The following USP42 variants were observed in gnomAD, a reference collection of about 807,000 sequenced individuals.
USP42 encodes ubiquitin carboxyl-terminal hydrolase 42.
USP42 carries 23 observed loss-of-function variants against 113.0 expected under a neutral mutation model. That is an observed-to-expected ratio of 0.20 (90% CI 0.15 to 0.29). The LOEUF (loss-of-function observed/expected upper bound fraction) is 0.29, where lower values mean the gene tolerates loss of function less well. Ranked by LOEUF, USP42 falls within the 10% of genes least tolerant of loss-of-function variation. USP42 has a pLI of 1.00. For synonymous variants in USP42, 933 were observed against 699.0 expected, an observed-to-expected ratio of 1.33 and a Z score of -5.28; for missense variants, 2,174 against 1,779.8, an observed-to-expected ratio of 1.22 and a Z score of -3.99.
chr7:6,105,515 C>T (rs1404417760), intron 1 of USP42, among the ~76,000 whole-genome samples: 1 of 150,050 alleles, frequency 6.7e-6, no homozygotes, highest in East Asian at 2.0e-4. Flanking sequence ...GGAGCCCCCT[C>T]AGAGCCCCGG....
intron 8 of USP42, 118 bp downstream of exon 8, chr7:6,143,132 A>G (rs1583655269): frequency 1.0e-6 from 1 of 966,350 alleles, no homozygotes; most frequent in Non-Finnish European, 1.6e-6. Flanking sequence ...ACCCTCTGGG[A>G]AGACACTGCG....
chr7:6,158,363 A>ACGTGTGAAG lies in USP42; in HGVS notation c.3944-1084_3944-1076dup, dbSNP rs1187983473. Among the ~76,000 whole-genome samples, 1 of 151,924 alleles carries ACGTGTGAAG rather than the reference A, an allele frequency of 6.6e-6. No individual in the cohort carries two copies. The highest frequency in any genetic ancestry group is 2.4e-5 in the African/African-American group (1 of 41,222). ...GCCTGGACGCCCATTGTTTGTGTTC[A>ACGTGTGAAG]CGTGTGAAGCGCATCCCCTCCTCCC... On this transcript the variant is annotated intron_variant, in intron 16 of 17. Coordinates refer to ENST00000306177, the MANE Select transcript of USP42 (RefSeq NM_032172.3). The surrounding 1 kb of genome is among the most constrained non-coding windows in gnomAD (Gnocchi z 4.2).
chr7:6,136,480 A>G (rs1036815729), intron 4 of USP42, among the ~76,000 whole-genome samples: 5 of 152,240 alleles, frequency 3.3e-5, no homozygotes, highest in African/African-American at 9.6e-5. Context: ...TATATTAAAG[A>G]CTATTCAATT....
chr7:6,139,971 T>C lies in USP42; in HGVS notation c.657-157T>C. 1.4e-6 allele frequency: 1 copy of C among 710,570 alleles called. No individual in the cohort carries two copies. Among genetic ancestry groups the C allele is most frequent in the Non-Finnish European group, 2.5e-6 (1 of 397,382 alleles). The allele number at this position is 710,570 out of a possible 1,614,324, so 44.0% of individuals were successfully genotyped here. On this transcript the variant is annotated intron_variant, in intron 5 of 17. Coordinates refer to ENST00000306177, the MANE Select transcript of USP42 (RefSeq NM_032172.3). The surrounding 1 kb of genome is among the most constrained non-coding windows in gnomAD (Gnocchi z 4.5). ...TCCCTGTGTTCTGGCCAGGAAGGGA[T>C]GCTCTTGGGCTGCCACACGTGCCAT...
At chr7:6,126,257 A>G (rs1030453494) in intron 3 of USP42, among the ~76,000 whole-genome samples, 3 of 151,470 alleles carry the variant, frequency 2.0e-5, no homozygotes, top group South Asian at 2.1e-4. Context: ...ATTGGTAGGT[A>G]GTATTTCATG....
At chr7:6,137,980 CATATATTTATTTTTATACATAT>C (rs1781237285) in intron 4 of USP42, among the ~76,000 whole-genome samples, 1 of 152,168 alleles carries the variant, frequency 6.6e-6, no homozygotes, top group Admixed American at 6.5e-5. Context: ...CGCCCGACCA[CATATATTTATTTTTATACATAT>C]TTATATAGCA....
chr7:6,124,393 A>G (rs1284615742), intron 3 of USP42, among the ~76,000 whole-genome samples: 4 of 151,280 alleles, frequency 2.6e-5, no homozygotes, highest in Admixed American at 6.6e-5. Context: ...TCAGCCTCCC[A>G]TGTAGCTGGG....
chr7:6,092,123 CCTTCTTCTT>C, the USP42 span, among the ~76,000 whole-genome samples: 8 of 129,036 alleles, frequency 6.2e-5, no homozygotes, highest in African/African-American at 2.2e-4. Context: ...TCTTCCTCTT[CCTTCTTCTT>C]CTTCTTCTTC....
chr7:6,154,775 G>C lies in USP42; in HGVS notation c.3221G>C (p.Trp1074Ser), dbSNP rs750822935. 1.9e-6 allele frequency: 3 copies of C among 1,553,610 alleles called. No individual in the cohort carries two copies. In the South Asian group the frequency reaches 3.6e-5, roughly 18 times the overall value. ...DRYALYAARDWKPFHGGREHE... is the reference protein window; with the variant it reads ...DRYALYAARDSKPFHGGREHE... ...TACGCCCTGTACGCTGCCCGGGACT[G>C]GAAGCCCTTCCACGGCGGCCGCGAG... Residue 1074 changes from tryptophan to serine, a missense_variant, in exon 15 of 18, where the codon TGG becomes TCG. Coordinates refer to ENST00000306177, the MANE Select transcript of USP42 (RefSeq NM_032172.3).
At chr7:6,123,403 C>T (rs1345393501) in intron 3 of USP42, among the ~76,000 whole-genome samples, 7 of 152,238 alleles carry the variant, frequency 4.6e-5, no homozygotes, top group African/African-American at 1.4e-4. Flanking sequence ...GTGGCTCACG[C>T]CTGTAATCCC....
the USP42 span, among the ~76,000 whole-genome samples, chr7:6,083,501 C>T: frequency 6.7e-6 from 1 of 150,292 alleles, no homozygotes; most frequent in Admixed American, 6.6e-5. Flanking sequence ...AGTAATCTGC[C>T]CGCCTCGGCC....
Position 6,144,215 on chromosome 7 carries a change from T to A in USP42, c.990+19T>A, listed in dbSNP as rs1297544851. 1 of 1,496,908 alleles carries A rather than the reference T, an allele frequency of 6.7e-7. No homozygotes were observed. Among genetic ancestry groups the A allele is most frequent in the Non-Finnish European group, 9.1e-7 (1 of 1,095,266 alleles). The allele number at this position is 1,496,908 out of a possible 1,614,324, so 92.7% of individuals were successfully genotyped here. A position where few individuals can be genotyped will look rare whatever the true frequency, so the allele number is the denominator to read the frequency against. ...TGCTAAGGTATGTGGATGATGTCAT[T>A]AATCATGTTTTATGTCGAGCCTTTC... On this transcript the variant is annotated intron_variant, in intron 9 of 17. Transcript: ENST00000306177.
At chr7:6,134,425 TG>T (rs1781019174) in intron 3 of USP42, among the ~76,000 whole-genome samples, 1 of 152,216 alleles carries the variant, frequency 6.6e-6, no homozygotes, top group South Asian at 2.1e-4. Context: ...CTGGGATTTT[TG>T]TATTTCTTTA....
chr7:6,110,641 C>T (rs1317557100), intron 1 of USP42, among the ~76,000 whole-genome samples: 1 of 152,128 alleles, frequency 6.6e-6, no homozygotes, highest in African/African-American at 2.4e-5. Context: ...GTGCCATTTG[C>T]ACTTTAAGCA....
chr7:6,104,137 C>G (rs1251300093), upstream of USP42, among the ~76,000 whole-genome samples: 1 of 151,372 alleles, frequency 6.6e-6, no homozygotes, highest in Non-Finnish European at 1.5e-5. Context: ...GGCTGCAGTG[C>G]AGAGGCGCGA....
intron 14 of USP42, among the ~76,000 whole-genome samples, chr7:6,152,685 A>G (rs1782142400): frequency 6.6e-6 from 1 of 152,214 alleles, no homozygotes; most frequent in African/African-American, 2.4e-5. Flanking sequence ...AGGGTGAGGT[A>G]GGTGGCTGTG....
chr7:6,117,993 C>A (rs2128483224), intron 3 of USP42, among the ~76,000 whole-genome samples: 1 of 152,120 alleles, frequency 6.6e-6, no homozygotes, highest in Non-Finnish European at 1.5e-5. Context: ...ATTATGTAGG[C>A]TGGGATTTGT....
chr7:6,159,946 C>T lies in USP42; in HGVS notation c.*36+453C>T, dbSNP rs1230138718. On this transcript the variant is annotated intron_variant, in intron 17 of 17. Coordinates refer to ENST00000306177, the MANE Select transcript of USP42 (RefSeq NM_032172.3). The surrounding 1 kb of genome is among the most constrained non-coding windows in gnomAD (Gnocchi z 4.1). ...GCCCCGAGGTGGCACTGAGCTGGAG[C>T]CAGCACCCCCCCAGCAGCCACCGTA... Among the ~76,000 whole-genome samples, 1 of 152,236 alleles carries T rather than the reference C, an allele frequency of 6.6e-6. No homozygotes were observed. Among genetic ancestry groups the T allele is most frequent in the Non-Finnish European group, 1.5e-5 (1 of 68,040 alleles).
chr7:6,109,234 G>C (rs1433364795), intron 1 of USP42, among the ~76,000 whole-genome samples: 1 of 152,156 alleles, frequency 6.6e-6, no homozygotes, highest in Non-Finnish European at 1.5e-5. Context: ...CCCAGAGACA[G>C]CAGGGACAAA....
Sources: gnomAD v4.1 joint callset for allele counts (sites outside exome capture counted in the v4.1 genomes callset) on GRCh38, gnomAD v4.1.1 for gene constraint, Gnocchi (gnomAD v3.1) non-coding constraint, MANE v1.5 for transcripts, NCBI Gene and HGNC (gene_info 2026-07-23, HGNC 2026-07-21) for gene names.